Variants in GULP1 observed in about 807,000 individuals in gnomAD.
The protein encoded by GULP1 is PTB domain-containing engulfment adapter protein 1.
Under a neutral mutation model 40.9 loss-of-function variants are expected in GULP1, and 19 were observed. The ratio of observed to expected loss-of-function variants is 0.46; its 90% CI spans 0.32 to 0.68. The LOEUF (loss-of-function observed/expected upper bound fraction) is 0.68. Among genes scored for constraint, GULP1 ranks in the 30% least tolerant of loss-of-function variants. GULP1 has a pLI of 0.03. For missense variants in GULP1, 312 were observed against 362.2 expected (o/e 0.86, Z 1.12); for synonymous variants, 119 against 117.6 (o/e 1.01, Z -0.08).
At chr2:188,522,998 A>C in intron 5 of GULP1, 171 bp downstream of exon 5, 3 of 494,194 alleles carry the variant, frequency 6.1e-6, no homozygotes, top group Non-Finnish European at 3.8e-6. Context: ...AATAACAAAC[A>C]TGTACACAAA....
At chr2:188,371,100 G>T (rs2047544474) in intron 1 of GULP1, among the ~76,000 whole-genome samples, 1 of 152,186 alleles carries the variant, frequency 6.6e-6, no homozygotes, top group South Asian at 2.1e-4. Flanking sequence ...CTGGCAAGAT[G>T]TAAGTAGTTT....
At chr2:188,302,978 T>A (rs2036409555) in intron 1 of GULP1, among the ~76,000 whole-genome samples, 1 of 152,202 alleles carries the variant, frequency 6.6e-6, no homozygotes, top group Non-Finnish European at 1.5e-5. Flanking sequence ...TCTTACTCAC[T>A]GCAAAAACCC....
chr2:188,431,429 A>G (rs941019127), intron 2 of GULP1, among the ~76,000 whole-genome samples: 1 of 152,286 alleles, frequency 6.6e-6, no homozygotes, highest in Non-Finnish European at 1.5e-5. Flanking sequence ...GCAGCAGGGT[A>G]TAGAAACTGA....
At chr2:188,394,572 G>T (rs1051379961) in intron 2 of GULP1, among the ~76,000 whole-genome samples, 10 of 152,040 alleles carry the variant, frequency 6.6e-5, no homozygotes, top group African/African-American at 2.2e-4. Flanking sequence ...GAGCTACTGT[G>T]ATTTTTATAG....
At chr2:188,564,459 G>A (rs1305033349) in intron 7 of GULP1, among the ~76,000 whole-genome samples, 2 of 151,698 alleles carry the variant, frequency 1.3e-5, no homozygotes, top group Non-Finnish European at 3.0e-5. Flanking sequence ...CAAAAAGAAA[G>A]AAAGAAAAAT....
intron 2 of GULP1, among the ~76,000 whole-genome samples, chr2:188,463,878 T>A (rs995041243): frequency 1.3e-5 from 2 of 152,312 alleles, no homozygotes; most frequent in African/African-American, 4.8e-5. Context: ...ATGTCTTTTT[T>A]AAATTTATCT....
At chr2:188,375,935 T>C (rs1320897439) in intron 1 of GULP1, among the ~76,000 whole-genome samples, 1 of 152,104 alleles carries the variant, frequency 6.6e-6, no homozygotes, top group African/African-American at 2.4e-5. Context: ...AATCTGTGCA[T>C]ACTCAAGTAA....
At chr2:188,583,910 G>T (rs1701826890) in intron 9 of GULP1, among the ~76,000 whole-genome samples, 1 of 152,058 alleles carries the variant, frequency 6.6e-6, no homozygotes, top group African/African-American at 2.4e-5. Flanking sequence ...ATTTTTACAT[G>T]AATAGTTTCT....
rs377140665 is a variant in GULP1, at chr2:188,377,126, T to A, written c.-171-6637T>A. Among the ~76,000 whole-genome samples the A allele has an allele frequency of 2.2e-4, 33 of 151,624 alleles. 1 individual carries two copies. Among genetic ancestry groups the A allele is most frequent in the African/African-American group, 8.0e-4 (33 of 41,310 alleles). On this transcript the variant is annotated intron_variant, in intron 1 of 11. Coordinates refer to ENST00000409830, the MANE Select transcript of GULP1 (RefSeq NM_016315.4). ...GGCGGAGGTTGTGGTGAGCCGAGATTGCACCACTGCACTCCATCCTGGGCA... is the reference window on the plus strand; with the variant it reads ...GGCGGAGGTTGTGGTGAGCCGAGATAGCACCACTGCACTCCATCCTGGGCA...
In GULP1 at chr2:188,570,086, A is replaced by G; in HGVS notation, c.575A>G (p.Asn192Ser). Residue 192 changes from asparagine to serine, a missense_variant, in exon 9 of 12, where the codon AAC (asparagine) becomes AGC (serine). By Grantham distance (46) the Asn-to-Ser change is conservative. Transcript: ENST00000409830. Reference protein sequence around the residue: ...ELKNKVQDLENQLRITQVSAP... With the variant: ...ELKNKVQDLESQLRITQVSAP... ...AAAAATAAAGTACAAGATTTGGAAAACCAACTGAGAATAACTCAAGTATCA... is the reference window on the plus strand; with the variant it reads ...AAAAATAAAGTACAAGATTTGGAAAGCCAACTGAGAATAACTCAAGTATCA... 4.7e-6 allele frequency: 7 copies of G among 1,476,054 alleles called. No homozygotes were observed. The highest frequency in any genetic ancestry group is 6.6e-6 in the Non-Finnish European group (7 of 1,066,862). The allele number at this position is 1,476,054 out of a possible 1,614,324, so 91.4% of individuals were successfully genotyped here.
rs541057852 is a variant in GULP1, at chr2:188,292,184, G to A, written c.-172+18G>A. On this transcript the variant is annotated intron_variant, in intron 1 of 11. Coordinates refer to ENST00000409830, the MANE Select transcript of GULP1 (RefSeq NM_016315.4). This position sits in a 1 kb window ranked among gnomAD's most constrained non-coding sequence, Gnocchi z 4.0. ...TCAGTGAGGTACGGAGATTTATCTAGGCTCTTCCCTGGCTGCGAACCCAGG... is the reference window on the plus strand; with the variant it reads ...TCAGTGAGGTACGGAGATTTATCTAAGCTCTTCCCTGGCTGCGAACCCAGG... 5 of 152,594 alleles carry A rather than the reference G, an allele frequency of 3.3e-5. No individual in the cohort carries two copies. The highest frequency in any genetic ancestry group is 1.2e-4 in the African/African-American group (5 of 41,588). The allele number at this position is 152,594 out of a possible 1,614,324, so 9.5% of individuals were successfully genotyped here.
chr2:188,360,430 A>G (rs1231153463), intron 1 of GULP1, among the ~76,000 whole-genome samples: 2 of 151,952 alleles, frequency 1.3e-5, no homozygotes, highest in Non-Finnish European at 2.9e-5. Flanking sequence ...GAAAACTACT[A>G]GAAGTATTTC....
At chr2:188,444,670 C>T (rs920715633) in intron 2 of GULP1, among the ~76,000 whole-genome samples, 2 of 152,118 alleles carry the variant, frequency 1.3e-5, no homozygotes, top group African/African-American at 4.8e-5. Flanking sequence ...GTGTGCATTC[C>T]GGTCCTCAGC....
chr2:188,308,696 C>T (rs2037557824), intron 1 of GULP1, among the ~76,000 whole-genome samples: 1 of 152,172 alleles, frequency 6.6e-6, no homozygotes, highest in African/African-American at 2.4e-5. Context: ...CCTTACCAGA[C>T]ATTCCCATGG....
Position 188,414,231 on chromosome 2 carries a change from A to G in GULP1, c.-45+30342A>G, listed in dbSNP as rs554076587. ...GACTCCATCTCAAAAAAAAAAAAAA[A>G]AAAAAGAAAAAGAAGAGAAATGGTT... is the stretch of plus-strand genomic sequence containing the variant. On this transcript the variant is annotated intron_variant, in intron 2 of 11. Coordinates refer to ENST00000409830, the MANE Select transcript of GULP1 (RefSeq NM_016315.4). Among the ~76,000 whole-genome samples, 125 of 149,176 alleles carry G rather than the reference A, an allele frequency of 8.4e-4. 1 individual carries two copies. Among genetic ancestry groups the G allele is most frequent in the South Asian group, 8.0e-3 (37 of 4,622 alleles).
intron 1 of GULP1, among the ~76,000 whole-genome samples, chr2:188,371,184 A>G (rs1019036797): frequency 6.6e-6 from 1 of 152,088 alleles, no homozygotes; most frequent in Non-Finnish European, 1.5e-5. Context: ...TTCAAATTTC[A>G]TACTGTTTAT....
chr2:188,472,288 T>G (rs528962526), intron 2 of GULP1, among the ~76,000 whole-genome samples: 1 of 152,304 alleles, frequency 6.6e-6, no homozygotes, highest in African/African-American at 2.4e-5. Flanking sequence ...TTGTATAACC[T>G]TCTCGTACTT....
intron 1 of GULP1, among the ~76,000 whole-genome samples, chr2:188,328,985 C>T (rs769269659): frequency 2.6e-5 from 4 of 152,118 alleles, no homozygotes; most frequent in Non-Finnish European, 4.4e-5. Context: ...AAATCACTTG[C>T]AATGCAAAAG....
intron 1 of GULP1, among the ~76,000 whole-genome samples, chr2:188,297,143 A>G (rs1370434497): frequency 1.3e-5 from 2 of 152,016 alleles, no homozygotes; most frequent in Non-Finnish European, 2.9e-5. Flanking sequence ...TAGAAATCCT[A>G]GAAATCCTTT....
Sources: gnomAD v4.1 joint callset for allele counts (sites outside exome capture counted in the v4.1 genomes callset) on GRCh38, gnomAD v4.1.1 for gene constraint, Gnocchi (gnomAD v3.1) non-coding constraint, MANE v1.5 for transcripts, NCBI Gene and HGNC (gene_info 2026-07-23, HGNC 2026-07-21) for gene names.